Variants in MAP3K4 observed in about 807,000 individuals in gnomAD.
MAP3K4 encodes MAP three kinase 1.
Under a neutral mutation model 185.6 loss-of-function variants are expected in MAP3K4, and 67 were observed. The ratio of observed to expected loss-of-function variants is 0.36; its 90% CI spans 0.30 to 0.44. The LOEUF (loss-of-function observed/expected upper bound fraction) is 0.44. Ranked by LOEUF, MAP3K4 falls within the 20% of genes least tolerant of loss-of-function variation. The pLI is 1.00. For synonymous variants in MAP3K4, 702 were observed against 710.4 expected, an observed-to-expected ratio of 0.99 and a Z score of 0.19; for missense variants, 1,551 against 1,995.1, an observed-to-expected ratio of 0.78 and a Z score of 4.24.
chr6:161,014,562 C>G (rs1037720617), intron 1 of MAP3K4, among the ~76,000 whole-genome samples: 1 of 152,070 alleles, frequency 6.6e-6, no homozygotes, highest in African/African-American at 2.4e-5. Context: ...TGAGATAGTC[C>G]CTTTTTTTAT....
rs756524764 is a variant in MAP3K4, at chr6:161,049,507, C to G, written c.1235C>G (p.Thr412Ser). 13 of 1,613,992 alleles carry G rather than the reference C, an allele frequency of 8.1e-6. No homozygotes were observed. Among genetic ancestry groups the G allele is most frequent in the Admixed American group, 1.7e-5 (1 of 59,996 alleles). Residue 412 changes from threonine (T) to serine (S), a missense_variant, in exon 3 of 27, where the codon ACT becomes AGT. Physicochemically the swap from Thr to Ser is moderately conservative, Grantham distance 58. Transcript: ENST00000392142. The surrounding 1 kb of genome is among the most constrained non-coding windows in gnomAD (Gnocchi z 8.4). ...DLNQKLRIMG[T>S]VLGIKNLSDI... ...AATCAGAAATTAAGGATTATGGGCA[C>G]TGTTTTGGGCATCAAGAATTTATCA...
At chr6:161,027,893 G>A (rs1782748136) in intron 1 of MAP3K4, among the ~76,000 whole-genome samples, 1 of 152,214 alleles carries the variant, frequency 6.6e-6, no homozygotes. Context: ...CTCACTCATA[G>A]GGTTAGCAAG....
chr6:161,109,124 C>A lies in MAP3K4; in HGVS notation c.4236+265C>A. The A allele has an allele frequency of 1.1e-6, 1 of 894,912 alleles. No homozygotes were observed. The highest frequency in any genetic ancestry group is 1.7e-6 in the Non-Finnish European group (1 of 583,576). 55.4% of individuals were successfully genotyped at this position (894,912 alleles called of 1,614,324 possible). A position where few individuals can be genotyped will look rare whatever the true frequency, so the allele number is the denominator to read the frequency against. ...CCATTCAGAAGATTCTTCTAAAACG[C>A]CCCTTACACCACTTCTTGTGACTTT... On this transcript the variant is annotated intron_variant, in intron 22 of 26. Transcript: ENST00000392142. This position sits in a 1 kb window ranked among gnomAD's most constrained non-coding sequence, Gnocchi z 5.7.
At chr6:161,059,431 C>T (rs1330557427) in intron 3 of MAP3K4, among the ~76,000 whole-genome samples, 1 of 152,208 alleles carries the variant, frequency 6.6e-6, no homozygotes, top group Non-Finnish European at 1.5e-5. Flanking sequence ...GCCACTGGCA[C>T]CCGACCTAAA....
chr6:161,056,985 A>C lies in MAP3K4; in HGVS notation c.1707+7006A>C, dbSNP rs1273526083. On this transcript the variant is annotated intron_variant, in intron 3 of 26. Coordinates refer to ENST00000392142, the MANE Select transcript of MAP3K4 (RefSeq NM_005922.4). This position sits in a 1 kb window ranked among gnomAD's most constrained non-coding sequence, Gnocchi z 5.4. ...TGTGCTCCTCCTTTTTGATTTCCTTATGAACTTTATTTTCAGAAGAATAAG... is the reference window on the plus strand; with the variant it reads ...TGTGCTCCTCCTTTTTGATTTCCTTCTGAACTTTATTTTCAGAAGAATAAG... Among the ~76,000 whole-genome samples, 3 of 152,150 alleles carry C rather than the reference A, an allele frequency of 2.0e-5. No individual in the cohort carries two copies. Among genetic ancestry groups the C allele is most frequent in the African/African-American group, 7.2e-5 (3 of 41,432 alleles).
chr6:161,046,066 G>C (rs1161946668), intron 2 of MAP3K4, among the ~76,000 whole-genome samples: 1 of 151,996 alleles, frequency 6.6e-6, no homozygotes, highest in Non-Finnish European at 1.5e-5. Flanking sequence ...GTTACCTATA[G>C]ATATTTCCAC....
chr6:161,040,400 A>G (rs1360065901), intron 2 of MAP3K4, among the ~76,000 whole-genome samples: 1 of 152,092 alleles, frequency 6.6e-6, no homozygotes, highest in East Asian at 1.9e-4. Flanking sequence ...GAATGCAACT[A>G]TTTAGAAAAC....
intron 2 of MAP3K4, among the ~76,000 whole-genome samples, chr6:161,039,502 T>C (rs1182494324): frequency 6.6e-6 from 1 of 152,212 alleles, no homozygotes; most frequent in Non-Finnish European, 1.5e-5. Context: ...TTGTTTTTTA[T>C]AATTGTAAAT....
chr6:160,998,557 C>G (rs1220037990), intron 1 of MAP3K4, among the ~76,000 whole-genome samples: 1 of 152,072 alleles, frequency 6.6e-6, no homozygotes, highest in Non-Finnish European at 1.5e-5. Flanking sequence ...TTTTTGGTAT[C>G]TGAGCTGGCT....
chr6:161,087,830 A>G lies in MAP3K4; in HGVS notation c.2699A>G (p.Tyr900Cys), dbSNP rs530222532. 1.3e-5 allele frequency: 21 copies of G among 1,614,130 alleles called. No homozygotes were observed. Among genetic ancestry groups the G allele is most frequent in the South Asian group, 5.5e-5 (5 of 91,058 alleles). Residue 900 changes from tyrosine (Y) to cysteine (C), a missense_variant, in exon 10 of 27, where the codon TAT becomes TGT. By Grantham distance (194) the Tyr-to-Cys change is radical (BLOSUM62 -2). Coordinates refer to ENST00000392142, the MANE Select transcript of MAP3K4 (RefSeq NM_005922.4). This position sits in a 1 kb window ranked among gnomAD's most constrained non-coding sequence, Gnocchi z 4.9. ...KDSDDVLIDAYLLLTKHGDRA... is the reference protein window; with the variant it reads ...KDSDDVLIDACLLLTKHGDRA... ...TCAGATGACGTACTCATCGATGCCT[A>G]TCTGCTTCTGACCAAGCACGGTGAT...
In MAP3K4 at chr6:161,110,143, G is replaced by GTTT; in HGVS notation, c.4396+231_4396+233dup. On this transcript the variant is annotated intron_variant, in intron 23 of 26. Coordinates refer to ENST00000392142, the MANE Select transcript of MAP3K4 (RefSeq NM_005922.4). The surrounding 1 kb of genome is among the most constrained non-coding windows in gnomAD (Gnocchi z 4.8). ...TTCAACACTGCTTTTAGAGAAATCT[G>GTTT]TTTTCCCAAAATGAAGTTTGCTATT... is the stretch of plus-strand genomic sequence containing the variant. Among the ~76,000 whole-genome samples the GTTT allele has an allele frequency of 6.6e-6, 1 of 152,296 alleles. No homozygotes were observed. Among genetic ancestry groups the GTTT allele is most frequent in the South Asian group, 2.1e-4 (1 of 4,828 alleles).
At position 161,008,484 on chromosome 6, in the gene MAP3K4, T is replaced by C. The variant is rs548793362; in HGVS notation, c.152+16401T>C. 6.6e-6 allele frequency among the ~76,000 whole-genome samples: 1 copy of C among 152,332 alleles called. No individual in the cohort carries two copies. Among genetic ancestry groups the C allele is most frequent in the African/African-American group, 2.4e-5 (1 of 41,582 alleles). On this transcript the variant is annotated intron_variant, in intron 1 of 26. Coordinates refer to ENST00000392142, the MANE Select transcript of MAP3K4 (RefSeq NM_005922.4). This position sits in a 1 kb window ranked among gnomAD's most constrained non-coding sequence, Gnocchi z 4.1. The stretch of plus-strand genomic sequence containing the variant: ...AGTTTTACGTATAATGGGAGCTGTA[T>C]AAGCGTTGACATAATGTGGTAATAG...
intron 2 of MAP3K4, among the ~76,000 whole-genome samples, chr6:161,041,926 C>CTTTTTTTTTTTTT (rs869273927): frequency 2.4e-4 from 11 of 45,198 alleles, no homozygotes; most frequent in East Asian, 1.3e-3. Flanking sequence ...TTTTTTTTTT[C>CTTTTTTTTTTTTT]TTTTTTTTTT....
chr6:161,096,969 T>G lies in MAP3K4; in HGVS notation c.3428-111T>G, dbSNP rs1462753939. Reference sequence around the variant, plus strand: ...TTTTACTTATATAAATGGACTTACCTTGGTCATTGGCCAGAATAAGTGACA... The same window carrying G: ...TTTTACTTATATAAATGGACTTACCGTGGTCATTGGCCAGAATAAGTGACA... On this transcript the variant is annotated intron_variant, in intron 15 of 26. Transcript: ENST00000392142. This position sits in a 1 kb window ranked among gnomAD's most constrained non-coding sequence, Gnocchi z 4.9. The G allele has an allele frequency of 1.3e-6, 1 of 756,694 alleles. No homozygotes were observed. The highest frequency in any genetic ancestry group is 2.3e-6 in the Non-Finnish European group (1 of 434,328). The allele number at this position is 756,694 out of a possible 1,614,324, so 46.9% of individuals were successfully genotyped here. A position where few individuals can be genotyped will look rare whatever the true frequency, so the allele number is the denominator to read the frequency against.
At chr6:161,003,036 GATA>G (rs1781401407) in intron 1 of MAP3K4, among the ~76,000 whole-genome samples, 1 of 67,078 alleles carries the variant, frequency 1.5e-5, no homozygotes, top group African/African-American at 3.1e-5. Context: ...TTGATAACAT[GATA>G]TAACATATGG....
intron 6 of MAP3K4, among the ~76,000 whole-genome samples, chr6:161,083,626 G>A (rs914548477): frequency 1.4e-4 from 22 of 151,968 alleles, no homozygotes; most frequent in Non-Finnish European, 4.4e-5. Context: ...CTTTTTTCAT[G>A]AACATGCTTG....
At chr6:161,104,389 G>A (rs891725026) in intron 19 of MAP3K4, among the ~76,000 whole-genome samples, 1 of 146,730 alleles carries the variant, frequency 6.8e-6, no homozygotes, top group Non-Finnish European at 1.5e-5. Flanking sequence ...ACTCTAGCCT[G>A]GGCAACAAGA....
In MAP3K4 at chr6:161,080,857, TCCC is replaced by T. The variant is rs771051487; in HGVS notation, c.2098-23_2098-21del. ...TTGCCAAGTTCTACTTTCAAATGTC[TCCC>T]TTTACTTTTTGTGTTTTAAGGTGTA... is the stretch of plus-strand genomic sequence containing the variant. On this transcript the variant is annotated intron_variant, in intron 5 of 26. Transcript: ENST00000392142. The surrounding 1 kb of genome is among the most constrained non-coding windows in gnomAD (Gnocchi z 4.8). The T allele has an allele frequency of 3.0e-5, 49 of 1,610,388 alleles. No individual in the cohort carries two copies. Among genetic ancestry groups the T allele is most frequent in the Non-Finnish European group, 3.7e-5 (43 of 1,177,758 alleles).
intron 1 of MAP3K4, among the ~76,000 whole-genome samples, chr6:160,993,743 A>T (rs1780855220): frequency 6.6e-6 from 1 of 152,238 alleles, no homozygotes; most frequent in African/African-American, 2.4e-5. Context: ...GGTAAAAAAA[A>T]AAAAAAACTT....
Sources: gnomAD v4.1 joint callset for allele counts (sites outside exome capture counted in the v4.1 genomes callset) on GRCh38, gnomAD v4.1.1 for gene constraint, Gnocchi (gnomAD v3.1) non-coding constraint, MANE v1.5 for transcripts, NCBI Gene and HGNC (gene_info 2026-07-23, HGNC 2026-07-21) for gene names.